Variants in SFPQ observed in about 807,000 individuals in gnomAD.
SFPQ encodes splicing factor proline and glutamine rich.
Under a neutral mutation model 72.9 loss-of-function variants are expected in SFPQ, and 11 were observed. The ratio of observed to expected loss-of-function variants is 0.15; its 90% CI spans 0.09 to 0.25. The LOEUF is 0.25. Ranked by LOEUF, SFPQ falls within the 10% of genes least tolerant of loss-of-function variation. The pLI is 1.00. For synonymous variants in SFPQ, 506 were observed against 367.3 expected, an observed-to-expected ratio of 1.38 and a Z score of -4.32; for missense variants, 847 against 993.3, an observed-to-expected ratio of 0.85 and a Z score of 1.98.
At chr1:35,190,616 C>G in intron 3 of SFPQ, 23 bp from the exon 4 acceptor site, 1 of 1,609,534 alleles carries the variant, frequency 6.2e-7, no homozygotes, top group East Asian at 2.2e-5. Flanking sequence ...ATGGTTCCAT[C>G]TTAGCTTTGT....
intron 4 of SFPQ, among the ~76,000 whole-genome samples, chr1:35,189,735 G>T (rs1024476790): frequency 2.6e-5 from 4 of 152,092 alleles, no homozygotes; most frequent in Non-Finnish European, 5.9e-5. Flanking sequence ...GATCACCTGA[G>T]GTCATGAGTT....
At chr1:35,179,500 T>TTCATAATTTTGCA (rs1639380311), downstream of SFPQ, 2 of 1,055,614 alleles carry the variant, frequency 1.9e-6, no homozygotes, top group African/African-American at 1.7e-5. Flanking sequence ...GTAACAAAAT[T>TTCATAATTTTGCA]ATGAAATACA....
At chr1:35,185,181 ATAGATT>A (rs1192048857) in intron 9 of SFPQ, among the ~76,000 whole-genome samples, 1 of 152,266 alleles carries the variant, frequency 6.6e-6, no homozygotes, top group Non-Finnish European at 1.5e-5. Context: ...GCATAAGACT[ATAGATT>A]TAGTCACTTA....
At position 35,192,321 on chromosome 1, in the gene SFPQ, C is replaced by T. The variant is rs779770077; in HGVS notation, c.729G>A (p.Gly243=). Residue 243 remains glycine, a synonymous_variant, in exon 1 of 10, where the codon GGG becomes GGA. Coordinates refer to ENST00000357214, the MANE Select transcript of SFPQ (RefSeq NM_005066.3). ...PPHRGGGEPR[G]GRQHHPPYHQ... Reference sequence around the variant, plus strand: ...GGTAGGGCGGGTGGTGCTGGCGGCCCCCGCGGGGCTCCCCGCCGCCTCGAT... The same window carrying T: ...GGTAGGGCGGGTGGTGCTGGCGGCCTCCGCGGGGCTCCCCGCCGCCTCGAT... The T allele has an allele frequency of 1.4e-6, 2 of 1,424,312 alleles. No individual in the cohort carries two copies. The highest frequency in any genetic ancestry group is 3.4e-5 in the Admixed American group (1 of 29,174). The allele number at this position is 1,424,312 out of a possible 1,614,324, so 88.2% of individuals were successfully genotyped here.
Position 35,193,107 on chromosome 1 carries a change from G to C in SFPQ, c.-58C>G. Reference sequence around the variant, plus strand: ...GAAGAAGACGCTCAGGAAACGTGGAGGCCACCTTGCTTCTCACAAAATGGC... The same window carrying C: ...GAAGAAGACGCTCAGGAAACGTGGACGCCACCTTGCTTCTCACAAAATGGC... On this transcript the variant is annotated 5_prime_UTR_variant, in exon 1 of 10. Transcript: ENST00000357214. 4 of 1,496,656 alleles carry C rather than the reference G, an allele frequency of 2.7e-6. No homozygotes were observed. The highest frequency in any genetic ancestry group is 2.7e-6 in the Non-Finnish European group (3 of 1,131,442). The allele number at this position is 1,496,656 out of a possible 1,614,324, so 92.7% of individuals were successfully genotyped here.
chr1:35,176,384 T>A (rs914954552), exon 6 of SFPQ: 1 of 151,966 alleles, frequency 6.6e-6, no homozygotes, highest in Non-Finnish European at 1.5e-5. Context: ...AAAGGATAAT[T>A]AGGATAATGC....
At chr1:35,178,658 C>T, downstream of SFPQ, 2 of 1,056,144 alleles carry the variant, frequency 1.9e-6, no homozygotes, top group Middle Eastern at 4.2e-4. Context: ...AGGGAGAAGA[C>T]ATTCACCTTC....
At chr1:35,181,358 C>G, downstream of SFPQ, 3 of 1,065,124 alleles carry the variant, frequency 2.8e-6, no homozygotes, top group Non-Finnish European at 3.4e-6. Flanking sequence ...CAAGAAAAGC[C>G]AAGTATCTAA....
chr1:35,185,775 G>A (rs1217187612), intron 9 of SFPQ, among the ~76,000 whole-genome samples: 2 of 151,922 alleles, frequency 1.3e-5, no homozygotes, highest in African/African-American at 4.8e-5. Context: ...CAGGGTTTTT[G>A]GCTCATTGTT....
intron 2 of SFPQ, 93 bp from the exon 3 acceptor site, chr1:35,191,088 C>T (rs1311882177): frequency 9.4e-6 from 11 of 1,166,298 alleles, no homozygotes; most frequent in Non-Finnish European, 1.1e-5. Flanking sequence ...CCCTTTCTTC[C>T]TTCAGCTCAG....
At position 35,189,172 on chromosome 1, in the gene SFPQ, A is replaced by C. The variant is rs1335367864; in HGVS notation, c.1612+14T>G. 15 of 1,613,698 alleles carry C rather than the reference A, an allele frequency of 9.3e-6. No homozygotes were observed. Among genetic ancestry groups the C allele is most frequent in the Non-Finnish European group, 1.0e-5 (12 of 1,179,760 alleles). On this transcript the variant is annotated intron_variant, in intron 5 of 9. Coordinates refer to ENST00000357214, the MANE Select transcript of SFPQ (RefSeq NM_005066.3). ...TTGACCTTAGCAATGATGTTCACGC[A>C]CAGGTCTTTTTACCTTGGCGCAAAA...
At chr1:35,191,307 T>A (rs1639986199) in intron 2 of SFPQ, 34 bp downstream of exon 2, 3 of 1,589,632 alleles carry the variant, frequency 1.9e-6, no homozygotes, top group Non-Finnish European at 2.6e-6. Context: ...CCCACCCTTT[T>A]TAATTCTACG....
At position 35,187,079 on chromosome 1, in the gene SFPQ, A is replaced by C. The variant is rs1428385966; in HGVS notation, c.1908T>G (p.Gly636=). Residue 636 remains glycine, a synonymous_variant, in exon 9 of 10, where the codon GGT becomes GGG. Coordinates refer to ENST00000357214, the MANE Select transcript of SFPQ (RefSeq NM_005066.3). ...TAGCTTCATAACCTATGCCACCACC[A>C]CCTCCTAGAGGTGGAAATTTCTGGC... is the stretch of plus-strand genomic sequence containing the variant. ...SGGQKFPPLG[G]GGGIGYEANP... 1.2e-6 allele frequency: 2 copies of C among 1,613,786 alleles called. No homozygotes were observed. The highest frequency in any genetic ancestry group is 1.3e-5 in the African/African-American group (1 of 74,852).
At chr1:35,191,563 G>C (rs1187212782) in intron 1 of SFPQ, 34 bp from the exon 2 acceptor site, 1 of 1,524,786 alleles carries the variant, frequency 6.6e-7, no homozygotes, top group Non-Finnish European at 9.0e-7. Context: ...TCAAACACCA[G>C]AGACCTCTGC....
chr1:35,178,089 G>A, downstream of SFPQ: 3 of 1,225,668 alleles, frequency 2.4e-6, no homozygotes, highest in Non-Finnish European at 2.1e-6. Flanking sequence ...TAAAATAAAG[G>A]TTTGAAAATG....
At chr1:35,189,520 A>G (rs1359383715) in intron 4 of SFPQ, 138 bp from the exon 5 acceptor site, 3 of 601,600 alleles carry the variant, frequency 5.0e-6, no homozygotes, top group Admixed American at 3.1e-5. Context: ...TCATCTATAA[A>G]TATCTTCACA....
At chr1:35,187,876 T>C (rs1416993877) in intron 7 of SFPQ, 97 bp downstream of exon 7, 5 of 753,420 alleles carry the variant, frequency 6.6e-6, no homozygotes, top group Non-Finnish European at 6.9e-6. Context: ...AAGCAGAAAA[T>C]AACTGTAATT....
chr1:35,179,246 A>G, downstream of SFPQ: 2 of 1,061,650 alleles, frequency 1.9e-6, no homozygotes, highest in Non-Finnish European at 2.3e-6. Context: ...TAACAATAGG[A>G]GACATGCAAC....
chr1:35,192,526 G>A lies in SFPQ; in HGVS notation c.524C>T (p.Pro175Leu), dbSNP rs1433504282. 7 of 1,329,820 alleles carry A rather than the reference G, an allele frequency of 5.3e-6. No homozygotes were observed. The East Asian group carries it at 1.9e-4, about 36-fold the overall frequency. 82.4% of individuals were successfully genotyped at this position (1,329,820 alleles called of 1,614,324 possible). A position where few individuals can be genotyped will look rare whatever the true frequency, so the allele number is the denominator to read the frequency against. ...GCCTCCGGCCTGAGGAGGTGTGGTAGGGACCCCGCTGCTTGGCGGGGTGGG... is the reference window on the plus strand; with the variant it reads ...GCCTCCGGCCTGAGGAGGTGTGGTAAGGACCCCGCTGCTTGGCGGGGTGGG... ...PPPTPPSSGV[P>L]TTPPQAGGPP... The change falls in exon 1 of 10, where the codon CCT becomes CTT. Residue 175 changes from proline (P) to leucine (L), a missense_variant. Physicochemically the swap from Pro to Leu is moderately conservative, Grantham distance 98 (BLOSUM62 -3). Transcript: ENST00000357214.
Sources: allele counts gnomAD v4.1 joint callset (sites outside exome capture counted in the v4.1 genomes callset), GRCh38; gene constraint gnomAD v4.1.1; transcripts MANE v1.5; gene names NCBI Gene and HGNC (gene_info 2026-07-23, HGNC 2026-07-21).